NELL1: variants seen among roughly 807,000 people sequenced by gnomAD.
NELL1 encodes the protein protein kinase C-binding protein NELL1.
A neutral mutation model predicts 107.4 loss-of-function variants in NELL1; 76 were observed. That is an observed-to-expected ratio of 0.71 (90% confidence interval 0.59 to 0.86). The LOEUF (loss-of-function observed/expected upper bound fraction) is 0.86. Among genes scored for constraint, NELL1 ranks in the 40% least tolerant of loss-of-function variants. The pLI is 0.00. For synonymous variants in NELL1, 353 were observed against 341.2 expected (o/e 1.03, Z -0.38); for missense variants, 1,024 against 1,005.5 (o/e 1.02, Z -0.25).
chr11:21,315,191 T>G (rs1849849826), intron 14 of NELL1, among the ~76,000 whole-genome samples: 2 of 152,164 alleles, frequency 1.3e-5, no homozygotes, highest in Admixed American at 1.3e-4. Context: ...CTGCCTTAAC[T>G]ATAAACACTT....
At chr11:21,411,766 A>T (rs1852382641) in intron 15 of NELL1, among the ~76,000 whole-genome samples, 1 of 152,114 alleles carries the variant, frequency 6.6e-6, no homozygotes, top group African/African-American at 2.4e-5. Flanking sequence ...GATTCAGGTG[A>T]GGTGAATGAT....
chr11:20,685,971 T>A (rs1444897391), intron 2 of NELL1, among the ~76,000 whole-genome samples: 1 of 152,038 alleles, frequency 6.6e-6, no homozygotes, highest in African/African-American at 2.4e-5. Flanking sequence ...AGTGGATACG[T>A]CTCTTAATGT....
rs1052858284 is a variant in NELL1 at position 21,575,330 on chromosome 11, T to G, written c.*308T>G. Reference sequence around the variant, plus strand: ...CATTTGCAAATACATTTAAATGATCTCATGGTAAATGTTGATGTATTTTTT... The same window carrying G: ...CATTTGCAAATACATTTAAATGATCGCATGGTAAATGTTGATGTATTTTTT... On this transcript the variant is annotated 3_prime_UTR_variant, in exon 20 of 20. Transcript: ENST00000357134. 1.9e-5 allele frequency: 5 copies of G among 265,084 alleles called. No homozygotes were observed. Among genetic ancestry groups the G allele is most frequent in the African/African-American group, 1.1e-4 (5 of 45,810 alleles). The allele number at this position is 265,084 out of a possible 1,614,324, so 16.4% of individuals were successfully genotyped here.
intron 14 of NELL1, among the ~76,000 whole-genome samples, chr11:21,313,440 A>G (rs1323934968): frequency 1.3e-5 from 2 of 152,200 alleles, no homozygotes; most frequent in Non-Finnish European, 2.9e-5. Context: ...TAGGCATTCA[A>G]CAAACACTTC....
intron 13 of NELL1, among the ~76,000 whole-genome samples, chr11:21,136,350 G>A (rs1396656771): frequency 3.3e-5 from 5 of 152,182 alleles, no homozygotes; most frequent in Non-Finnish European, 5.9e-5. Context: ...GGCCATGTGG[G>A]CCATGGTAAG....
At chr11:21,187,017 T>C (rs568054926) in intron 13 of NELL1, among the ~76,000 whole-genome samples, 5 of 152,030 alleles carry the variant, frequency 3.3e-5, no homozygotes, top group African/African-American at 1.2e-4. Context: ...GAAATAATAA[T>C]ATTCCGCTTG....
intron 3 of NELL1, among the ~76,000 whole-genome samples, chr11:20,784,515 T>C (rs950728940): frequency 1.4e-4 from 21 of 150,104 alleles, no homozygotes; most frequent in African/African-American, 5.2e-4. Flanking sequence ...AAAGTGTGTA[T>C]GGGGAAGGGA....
intron 2 of NELL1, among the ~76,000 whole-genome samples, chr11:20,705,714 C>A (rs1854929597): frequency 6.8e-6 from 1 of 147,718 alleles, no homozygotes; most frequent in African/African-American, 2.5e-5. Context: ...AAACTACCAT[C>A]AGAGTGAACA....
intron 12 of NELL1, among the ~76,000 whole-genome samples, chr11:20,968,356 A>AAAGGAAGGAAGGAAGG (rs113924334): frequency 9.0e-4 from 136 of 151,392 alleles, no homozygotes; most frequent in African/African-American, 3.3e-3. Flanking sequence ...TTAAAGAAAG[A>AAAGGAAGGAAGGAAGG]AAGGAAGGAA....
At chr11:21,374,637 C>T (rs894220044) in intron 15 of NELL1, among the ~76,000 whole-genome samples, 1 of 152,132 alleles carries the variant, frequency 6.6e-6, no homozygotes, top group African/African-American at 2.4e-5. Context: ...TATTTGTGGG[C>T]ATATTTTAAA....
At chr11:20,827,909 A>T (rs749297364) in intron 3 of NELL1, among the ~76,000 whole-genome samples, 2 of 151,224 alleles carry the variant, frequency 1.3e-5, no homozygotes, top group African/African-American at 2.4e-5. Flanking sequence ...CATAGATTAA[A>T]AATATCTTAG....
At chr11:21,159,754 A>G (rs1856320829) in intron 13 of NELL1, among the ~76,000 whole-genome samples, 1 of 152,216 alleles carries the variant, frequency 6.6e-6, no homozygotes, top group African/African-American at 2.4e-5. Flanking sequence ...TAAATGTCAA[A>G]AAGTGAGAAT....
At chr11:21,010,634 T>C (rs2134286309) in intron 12 of NELL1, among the ~76,000 whole-genome samples, 1 of 152,162 alleles carries the variant, frequency 6.6e-6, no homozygotes, top group South Asian at 2.1e-4. Flanking sequence ...GGGTGAACAA[T>C]AAAATACATT....
At chr11:21,544,268 T>C (rs1043926177) in intron 16 of NELL1, among the ~76,000 whole-genome samples, 2 of 152,034 alleles carry the variant, frequency 1.3e-5, no homozygotes, top group African/African-American at 4.8e-5. Context: ...ACAGTGGTTT[T>C]AGCACTAAGC....
At chr11:21,247,576 C>T (rs1858527240) in intron 14 of NELL1, among the ~76,000 whole-genome samples, 1 of 152,144 alleles carries the variant, frequency 6.6e-6, no homozygotes, top group South Asian at 2.1e-4. Context: ...ATGGAGGTGT[C>T]ATCTCCAATG....
chr11:21,132,205 GCA>G (rs1855635165), intron 13 of NELL1, among the ~76,000 whole-genome samples: 2 of 151,720 alleles, frequency 1.3e-5, no homozygotes, highest in African/African-American at 4.9e-5. Context: ...GTGTGTGTGT[GCA>G]TGTCTGTGTG....
rs140440773 is a variant in NELL1 at position 20,944,385 on chromosome 11, C to T, written c.1072-2951C>T. Reference sequence around the variant, plus strand: ...TCTCCTAGCAGTCTTATTAATTTTGCCCAATTATTGCTTTTCTGCAGAATT... The same window carrying T: ...TCTCCTAGCAGTCTTATTAATTTTGTCCAATTATTGCTTTTCTGCAGAATT... On this transcript the variant is annotated intron_variant, in intron 10 of 19. Coordinates refer to ENST00000357134, the MANE Select transcript of NELL1 (RefSeq NM_006157.5). 1.6e-4 allele frequency among the ~76,000 whole-genome samples: 24 copies of T among 152,162 alleles called. No homozygotes were observed. In the East Asian group the frequency reaches 2.5e-3, roughly 16 times the overall value.
At chr11:20,864,181 A>C (rs867431255) in intron 4 of NELL1, among the ~76,000 whole-genome samples, 62 of 152,300 alleles carry the variant, frequency 4.1e-4, no homozygotes, top group African/African-American at 1.4e-3. Flanking sequence ...ACAATTAAAA[A>C]AATTTTTTAA....
Position 20,913,254 on chromosome 11 carries a change from C to T in NELL1, c.604-4928C>T, listed in dbSNP as rs150018797. Among the ~76,000 whole-genome samples the T allele has an allele frequency of 2.6e-3, 403 of 152,132 alleles. 2 individuals carry two copies. The highest frequency in any genetic ancestry group is 9.2e-3 in the African/African-American group (382 of 41,538). On this transcript the variant is annotated intron_variant, in intron 5 of 19. Coordinates refer to ENST00000357134, the MANE Select transcript of NELL1 (RefSeq NM_006157.5). ...ACTCTCCCACCCCTTTTTCCTCTCT[C>T]TTTCAAAGCAATTTGTTTCAGTATT...
Sources: allele counts gnomAD v4.1 joint callset (sites outside exome capture counted in the v4.1 genomes callset), GRCh38; gene constraint gnomAD v4.1.1; transcripts MANE v1.5; gene names NCBI Gene and HGNC (gene_info 2026-07-23, HGNC 2026-07-21).